DDX60: variants seen among roughly 807,000 people sequenced by gnomAD.
DDX60 encodes the protein probable ATP-dependent RNA helicase DDX60.
In DDX60, 165 loss-of-function variants were observed where a neutral mutation model predicts 212.8. The ratio of observed to expected loss-of-function variants is 0.78; its 90% CI spans 0.68 to 0.88. The LOEUF (loss-of-function observed/expected upper bound fraction) is 0.88. DDX60 is among the 40% of genes least tolerant of loss of function. The pLI is 0.00. For synonymous variants in DDX60, 703 were observed against 685.3 expected, an observed-to-expected ratio of 1.03 and a Z score of -0.40; for missense variants, 1,905 against 2,003.9, an observed-to-expected ratio of 0.95 and a Z score of 0.94.
intron 36 of DDX60, among the ~76,000 whole-genome samples, chr4:168,221,514 T>C (rs1268144784): frequency 6.6e-6 from 1 of 152,120 alleles, no homozygotes; most frequent in East Asian, 1.9e-4. Context: ...CTGGGCTAAG[T>C]GCCAAGATTT....
chr4:168,230,549 C>T (rs563067642), intron 33 of DDX60, among the ~76,000 whole-genome samples: 25 of 152,068 alleles, frequency 1.6e-4, no homozygotes, highest in Non-Finnish European at 2.5e-4. Context: ...CAAAACCATG[C>T]AAATACATGG....
Position 168,275,331 on chromosome 4 carries a change from A to T in DDX60, c.2304+14T>A. On this transcript the variant is annotated intron_variant, in intron 16 of 37. Transcript: ENST00000393743. ...AAGAAAATACAGTAATTTTTGTTTC[A>T]TTTGCAGTATTACCTGCCATGTGTC... 8.2e-6 allele frequency: 13 copies of T among 1,586,140 alleles called. No individual in the cohort carries two copies. Among genetic ancestry groups the T allele is most frequent in the Admixed American group, 1.8e-5 (1 of 55,408 alleles).
chr4:168,259,209 A>G (rs1325964891), intron 25 of DDX60, among the ~76,000 whole-genome samples: 1 of 152,222 alleles, frequency 6.6e-6, no homozygotes, highest in Non-Finnish European at 1.5e-5. Flanking sequence ...AGGTGGTAGA[A>G]GTAAAATTTT....
chr4:168,280,644 A>G, intron 13 of DDX60, 54 bp from the exon 14 acceptor site: 1 of 1,540,398 alleles, frequency 6.5e-7, no homozygotes. Context: ...TTCCAAGATA[A>G]CAGGTCATGA....
At chr4:168,298,241 A>G (rs1352608573) in intron 6 of DDX60, among the ~76,000 whole-genome samples, 1 of 152,152 alleles carries the variant, frequency 6.6e-6, no homozygotes, top group Admixed American at 6.5e-5. Context: ...TGCCTATAAT[A>G]TATTATAGAA....
chr4:168,277,671 C>T (rs978580444), intron 14 of DDX60, among the ~76,000 whole-genome samples: 39 of 151,664 alleles, frequency 2.6e-4, no homozygotes, highest in African/African-American at 7.5e-4. Context: ...TAGCCGGATG[C>T]GGTGGTGGGC....
At position 168,276,184 on chromosome 4, in the gene DDX60, T is replaced by A; in HGVS notation, c.1979-3A>T. On this transcript the variant is annotated splice_region_variant and splice_polypyrimidine_tract_variant and intron_variant, in intron 14 of 37. Coordinates refer to ENST00000393743, the MANE Select transcript of DDX60 (RefSeq NM_017631.6). ...ACTTAAATCTTTCGTGGTTTTACCT[T>A]GATAAACAATAAACAATAAAATTGT... 1 of 1,594,276 alleles carries A rather than the reference T, an allele frequency of 6.3e-7. No individual in the cohort carries two copies. The highest frequency in any genetic ancestry group is 1.1e-5 in the South Asian group (1 of 88,360).
At chr4:168,238,177 T>G (rs1733695619) in intron 30 of DDX60, among the ~76,000 whole-genome samples, 1 of 119,566 alleles carries the variant, frequency 8.4e-6, no homozygotes, top group Non-Finnish European at 1.6e-5. Flanking sequence ...TTTTCCAGAG[T>G]AAAACTGCAT....
In DDX60 at chr4:168,246,573, C is replaced by A; in HGVS notation, c.4009G>T (p.Val1337Leu). ...GGGAATGGAATATCAAAGAAATATA[C>A]ATCTCCCATCAGGTCTTGACCTCTT... ...GRRGQDLMGDVYFFDIPFPKI... is the reference protein window; with the variant it reads ...GRRGQDLMGDLYFFDIPFPKI... Residue 1337 changes from valine (V) to leucine (L), a missense_variant, in exon 30 of 38, where the codon GTA (valine) becomes TTA (leucine). Coordinates refer to ENST00000393743, the MANE Select transcript of DDX60 (RefSeq NM_017631.6). 6.2e-7 allele frequency: 1 copy of A among 1,614,064 alleles called. No homozygotes were observed. The highest frequency in any genetic ancestry group is 8.5e-7 in the Non-Finnish European group (1 of 1,179,978).
chr4:168,287,744 GA>G (rs1210878823), intron 9 of DDX60, among the ~76,000 whole-genome samples: 1 of 150,936 alleles, frequency 6.6e-6, no homozygotes, highest in Admixed American at 6.6e-5. Context: ...CTTACCCTAA[GA>G]AAAGATTTTA....
rs72981322 is a variant in DDX60 at position 168,291,098 on chromosome 4, A to G, written c.1041+650T>C. Among the ~76,000 whole-genome samples the G allele has an allele frequency of 5.1e-3, 770 of 152,338 alleles. 8 individuals are homozygous for G. The highest frequency in any genetic ancestry group is 0.018 in the African/African-American group (739 of 41,594). ...ACCATCAAAGTCTTCTTAATATTCC[A>G]TAATAGAGAAATGGGTAAGTAAACC... On this transcript the variant is annotated intron_variant, in intron 8 of 37. Coordinates refer to ENST00000393743, the MANE Select transcript of DDX60 (RefSeq NM_017631.6).
chr4:168,322,048 C>T (rs1737619437), upstream of DDX60, among the ~76,000 whole-genome samples: 2 of 152,248 alleles, frequency 1.3e-5, no homozygotes, highest in Non-Finnish European at 2.9e-5. Flanking sequence ...ATTTCTCAGG[C>T]CCATTAGCCT....
At chr4:168,285,183 G>A (rs1735767432) in intron 11 of DDX60, among the ~76,000 whole-genome samples, 1 of 152,130 alleles carries the variant, frequency 6.6e-6, no homozygotes. Flanking sequence ...ATATGCAGCT[G>A]TAGTGATTTA....
At chr4:168,217,083 A>G (rs373415986) in intron 37 of DDX60, 51 bp from the exon 38 acceptor site, 21 of 1,213,278 alleles carry the variant, frequency 1.7e-5, no homozygotes, top group East Asian at 7.8e-5. Flanking sequence ...ATTGAATATT[A>G]TAAGAAAGGC....
rs1398359394 is a variant in DDX60, at chr4:168,306,552, C to A, written c.433G>T (p.Val145Phe). The A allele has an allele frequency of 1.2e-6, 2 of 1,614,016 alleles. No individual in the cohort carries two copies. The highest frequency in any genetic ancestry group is 1.7e-6 in the Non-Finnish European group (2 of 1,180,018). ...AGATCGTTCAGGCCTTCGTCTGCAA[C>A]TATCAGGAAATATGGGTAACTCTCT... ...LEESYPYFLI[V>F]ADEGLNDLQT... Residue 145 changes from valine to phenylalanine, a missense_variant, in exon 5 of 38, where the codon GTT becomes TTT. Val to Phe is a conservative substitution (Grantham distance 50). Transcript: ENST00000393743.
intron 5 of DDX60, among the ~76,000 whole-genome samples, chr4:168,305,224 G>C (rs919047876): frequency 1.3e-5 from 2 of 152,114 alleles, no homozygotes; most frequent in African/African-American, 2.4e-5. Context: ...GTACACTAAC[G>C]ATGTTTACAC....
intron 7 of DDX60, 140 bp from the exon 8 acceptor site, chr4:168,292,046 T>C (rs1198396681): frequency 7.5e-5 from 32 of 428,270 alleles, no homozygotes; most frequent in African/African-American, 3.5e-4. Flanking sequence ...TCTTTCTTTC[T>C]TTCTTTTTTT....
intron 22 of DDX60, among the ~76,000 whole-genome samples, chr4:168,264,318 C>T (rs117521092): frequency 1.3e-5 from 2 of 152,272 alleles, no homozygotes; most frequent in East Asian, 1.9e-4. Context: ...CTGGAATCAT[C>T]GTTTAACATC....
intron 19 of DDX60, among the ~76,000 whole-genome samples, chr4:168,270,983 T>C (rs1186547879): frequency 6.7e-6 from 1 of 149,930 alleles, no homozygotes; most frequent in African/African-American, 2.5e-5. Context: ...GTTCAAGTGG[T>C]TCTCCTGCCT....
Sources: gnomAD v4.1 joint callset for allele counts (sites outside exome capture counted in the v4.1 genomes callset) on GRCh38, gnomAD v4.1.1 for gene constraint, MANE v1.5 for transcripts, NCBI Gene and HGNC (gene_info 2026-07-23, HGNC 2026-07-21) for gene names.